Variants in CCDC38 observed in about 807,000 individuals in gnomAD.
CCDC38 encodes coiled-coil domain containing 38.
Under a neutral mutation model 72.8 loss-of-function variants are expected in CCDC38, and 69 were observed. The ratio of observed to expected loss-of-function variants is 0.95; its 90% CI spans 0.78 to 1.16. The LOEUF (loss-of-function observed/expected upper bound fraction) is 1.16. CCDC38 is among the 50% of genes most tolerant of loss of function. CCDC38 has a pLI of 0.00. For missense variants in CCDC38, 626 were observed against 638.9 expected (o/e 0.98, Z 0.22); for synonymous variants, 201 against 213.2 (o/e 0.94, Z 0.50).
intron 1 of CCDC38, among the ~76,000 whole-genome samples, chr12:95,941,866 A>T (rs1395438409): frequency 1.7e-5 from 1 of 60,266 alleles, no homozygotes; most frequent in African/African-American, 6.4e-5. Context: ...CCTCCCCCCC[A>T]CCCTTAGGGT....
At chr12:95,894,747 C>T (rs969941250) in intron 8 of CCDC38, among the ~76,000 whole-genome samples, 1 of 152,180 alleles carries the variant, frequency 6.6e-6, no homozygotes, top group African/African-American at 2.4e-5. Context: ...GCCAAATAAA[C>T]CTCTTTTCTT....
chr12:95,894,458 G>A (rs970118084), intron 8 of CCDC38, among the ~76,000 whole-genome samples: 8 of 152,156 alleles, frequency 5.3e-5, no homozygotes, highest in African/African-American at 1.9e-4. Flanking sequence ...AATGTCAGAG[G>A]TGGGGCTTAG....
At chr12:95,906,706 A>C (rs1429436642) in intron 4 of CCDC38, among the ~76,000 whole-genome samples, 1 of 151,910 alleles carries the variant, frequency 6.6e-6, no homozygotes, top group Non-Finnish European at 1.5e-5. Flanking sequence ...AACAACCTGA[A>C]TAAGGTACTT....
chr12:95,938,714 C>T (rs577736327), intron 1 of CCDC38, among the ~76,000 whole-genome samples: 26 of 152,232 alleles, frequency 1.7e-4, no homozygotes, highest in African/African-American at 6.3e-4. Flanking sequence ...AGGAACAGAA[C>T]CAGTTATTGT....
chr12:95,904,554 T>C (rs1317219243), intron 5 of CCDC38, among the ~76,000 whole-genome samples: 1 of 152,250 alleles, frequency 6.6e-6, no homozygotes, highest in African/African-American at 2.4e-5. Context: ...AAGCTTCCAG[T>C]GTTCCCTCCC....
chr12:95,913,590 G>A (rs1188748821), intron 4 of CCDC38, among the ~76,000 whole-genome samples: 3 of 152,144 alleles, frequency 2.0e-5, no homozygotes, highest in African/African-American at 7.2e-5. Flanking sequence ...CTGAAATTTA[G>A]GAGTGATTTA....
chr12:95,930,560 C>T (rs546241155), intron 2 of CCDC38, among the ~76,000 whole-genome samples: 130 of 152,014 alleles, frequency 8.6e-4, no homozygotes, highest in African/African-American at 2.3e-3. Context: ...TGGATTTAGC[C>T]CTTGTCCTAA....
intron 13 of CCDC38, among the ~76,000 whole-genome samples, chr12:95,875,788 TC>T: frequency 6.6e-6 from 1 of 152,346 alleles, no homozygotes; most frequent in Middle Eastern, 3.4e-3. Context: ...ACACTTGTGA[TC>T]AAAATTTCAT....
chr12:95,921,068 C>T lies in CCDC38; in HGVS notation c.38-2092G>A, dbSNP rs1010572370. Among the ~76,000 whole-genome samples, 7 of 150,764 alleles carry T rather than the reference C, an allele frequency of 4.6e-5. No individual in the cohort carries two copies. The East Asian group carries it at 5.8e-4, about 13-fold the overall frequency. The stretch of plus-strand genomic sequence containing the variant: ...ACTTGAACATGGGAGGCAGAAGTTG[C>T]GGTGAGCCGAGATCATGCCATTGCA... On this transcript the variant is annotated intron_variant, in intron 2 of 15. Coordinates refer to ENST00000344280, the MANE Select transcript of CCDC38 (RefSeq NM_182496.3).
intron 2 of CCDC38, among the ~76,000 whole-genome samples, chr12:95,929,848 A>G (rs1446006636): frequency 6.6e-6 from 1 of 152,168 alleles, no homozygotes; most frequent in Admixed American, 6.5e-5. Context: ...TGGCAGAGCC[A>G]TGCTCTCTTG....
At chr12:95,880,986 T>C (rs938752038) in intron 11 of CCDC38, among the ~76,000 whole-genome samples, 2 of 152,128 alleles carry the variant, frequency 1.3e-5, no homozygotes, top group African/African-American at 4.8e-5. Context: ...TGTTTATTTG[T>C]CACAATTTTT....
intron 10 of CCDC38, chr12:95,885,424 G>T: frequency 5.6e-6 from 1 of 178,108 alleles, no homozygotes; most frequent in South Asian, 1.7e-4. Context: ...TAAAACTGGT[G>T]ACATACACCT....
intron 2 of CCDC38, among the ~76,000 whole-genome samples, chr12:95,931,605 A>T (rs1038351624): frequency 6.6e-6 from 1 of 152,164 alleles, no homozygotes; most frequent in Admixed American, 6.5e-5. Context: ...ACAAATACCA[A>T]TGAAGCCTCA....
chr12:95,876,971 A>G (rs1425406592), intron 13 of CCDC38, among the ~76,000 whole-genome samples: 1 of 152,180 alleles, frequency 6.6e-6, no homozygotes, highest in Non-Finnish European at 1.5e-5. Context: ...GCCCACCAAG[A>G]GTTTTGCCTA....
chr12:95,917,717 C>A (rs937198278), intron 3 of CCDC38, among the ~76,000 whole-genome samples: 6 of 151,252 alleles, frequency 4.0e-5, no homozygotes, highest in African/African-American at 1.5e-4. Flanking sequence ...ACTAAAAATA[C>A]AAAAATTAGC....
At chr12:95,907,408 A>G (rs1421530646) in intron 4 of CCDC38, among the ~76,000 whole-genome samples, 2 of 131,942 alleles carry the variant, frequency 1.5e-5, no homozygotes, top group African/African-American at 6.3e-5. Context: ...GGCCGGGCAG[A>G]GGCGCCCCTC....
At chr12:95,882,459 A>G (rs984745327) in intron 10 of CCDC38, among the ~76,000 whole-genome samples, 2 of 152,126 alleles carry the variant, frequency 1.3e-5, no homozygotes, top group African/African-American at 4.8e-5. Context: ...GAAAAGATTA[A>G]TATTTGCTTT....
In CCDC38 at chr12:95,888,477, G is replaced by C. The variant is rs1014195658; in HGVS notation, c.901C>G (p.Pro301Ala). Residue 301 changes from proline (P) to alanine (A), a missense_variant, in exon 10 of 16, where the codon CCA (proline) becomes GCA (alanine). Pro to Ala is a conservative substitution (Grantham distance 27, BLOSUM62 -1). Coordinates refer to ENST00000344280, the MANE Select transcript of CCDC38 (RefSeq NM_182496.3). Reference protein sequence around the residue: ...GKPSRSLTRTPEKKKSNLAES... With the variant: ...GKPSRSLTRTAEKKKSNLAES... ...CTGTACTTTGATTTCTTTTTCTCTG[G>C]AGTGCGAGTCAGGCTTCTGCTTGGC... The C allele has an allele frequency of 1.2e-6, 2 of 1,613,924 alleles. No individual in the cohort carries two copies. The highest frequency in any genetic ancestry group is 1.7e-6 in the Non-Finnish European group (2 of 1,180,018).
Position 95,892,643 on chromosome 12 carries a change from C to T in CCDC38, c.773-1713G>A, listed in dbSNP as rs2079841224. Among the ~76,000 whole-genome samples the T allele has an allele frequency of 2.0e-5, 3 of 147,634 alleles. No homozygotes were observed. In the South Asian group the frequency reaches 6.4e-4, roughly 31 times the overall value. On this transcript the variant is annotated intron_variant, in intron 8 of 15. Coordinates refer to ENST00000344280, the MANE Select transcript of CCDC38 (RefSeq NM_182496.3). ...GGAGTGCAGTGGTGTGATCTCAGCT[C>T]ACTGCAACCTCCGCCTCCCAGGTTC...
Sources: gnomAD v4.1 joint callset for allele counts (sites outside exome capture counted in the v4.1 genomes callset) on GRCh38, gnomAD v4.1.1 for gene constraint, MANE v1.5 for transcripts, NCBI Gene and HGNC (gene_info 2026-07-23, HGNC 2026-07-21) for gene names.